The following ACACB variants were observed in gnomAD, a reference collection of about 807,000 sequenced individuals.
The protein encoded by ACACB is acetyl-CoA carboxylase beta, also known as acetyl-CoA carboxylase 2.
In ACACB, 209 loss-of-function variants were observed where a neutral mutation model predicts 278.8. The observed-to-expected ratio is 0.75, with a 90% CI of 0.67 to 0.84. The LOEUF (loss-of-function observed/expected upper bound fraction) is 0.84. ACACB is among the 40% of genes least tolerant of loss of function. The pLI is 0.00. For synonymous variants in ACACB, 1,174 were observed against 1,285.6 expected (o/e 0.91, Z 1.86); for missense variants, 2,850 against 3,269.0 (o/e 0.87, Z 3.13).
chr12:109,241,201 C>G lies in ACACB; in HGVS notation c.4942C>G (p.Arg1648Gly). The change falls in exon 36 of 53, where the codon CGC (arginine) becomes GGC (glycine). Residue 1648 changes from arginine to glycine, a missense_variant. Arg to Gly is a moderately radical substitution (Grantham distance 125). This residue lies in a region of ACACB where 2,265 missense variants were observed against 2,561.3 expected (regional missense o/e 0.88). Transcript: ENST00000338432. Reference sequence around the variant, plus strand: ...CACCACCGGCAGTGCCGTTCCCATCCGCCTGTTCATCACCAATGAGTCGGG... The same window carrying G: ...CACCACCGGCAGTGCCGTTCCCATCGGCCTGTTCATCACCAATGAGTCGGG... ...QTTTGSAVPIRLFITNESGYY... is the reference protein window; with the variant it reads ...QTTTGSAVPIGLFITNESGYY... 1 of 1,614,184 alleles carries G rather than the reference C, an allele frequency of 6.2e-7. No homozygotes were observed. Among genetic ancestry groups the G allele is most frequent in the South Asian group, 1.1e-5 (1 of 91,088 alleles).
chr12:109,237,093 CA>C, intron 33 of ACACB, 71 bp from the exon 34 acceptor site: 1 of 1,516,530 alleles, frequency 6.6e-7, no homozygotes, highest in Non-Finnish European at 9.1e-7. Flanking sequence ...GGGTGTGGAC[CA>C]AGCAGGGACG....
At position 109,264,271 on chromosome 12, in the gene ACACB, A is replaced by G; in HGVS notation, c.6827A>G (p.Glu2276Gly). The G allele has an allele frequency of 1.2e-6, 2 of 1,614,082 alleles. No homozygotes were observed. Among genetic ancestry groups the G allele is most frequent in the Non-Finnish European group, 1.7e-6 (2 of 1,180,004 alleles). The change falls in exon 50 of 53, where the codon GAG becomes GGG. Residue 2276 changes from glutamate (E) to glycine (G), a missense_variant. Around this residue, in one of 3 missense-constraint regions of ACACB, gnomAD observed 579 missense variants for 684.6 expected, o/e 0.85. Transcript: ENST00000338432. ...DLSDKDRKDL[E>G]GRLKAREDLL... is the part of the protein sequence containing the mutation. ...TCCGACAAGGACCGAAAGGACCTGG[A>G]GGGCCGGCTAAAGGCTCGCGAGGAC...
intron 49 of ACACB, 88 bp from the exon 50 acceptor site, chr12:109,264,144 G>A: frequency 7.0e-7 from 1 of 1,421,238 alleles, no homozygotes; most frequent in Non-Finnish European, 9.6e-7. Context: ...ATCCTGATTT[G>A]TGCCTTCTTC....
rs34174568 is a variant in ACACB at position 109,181,840 on chromosome 12, CTTTTTTTT to C, written c.1818+1768_1818+1775del. The stretch of plus-strand genomic sequence containing the variant: ...CTTTTTCTGTTTTCTTTTTCCTTTC[CTTTTTTTT>C]TTTTTTTTTTTTTTGAGAGTGAGTC... On this transcript the variant is annotated intron_variant, in intron 11 of 52. Coordinates refer to ENST00000338432, the MANE Select transcript of ACACB (RefSeq NM_001093.4). Among the ~76,000 whole-genome samples, 3 of 81,580 alleles carry C rather than the reference CTTTTTTTT, an allele frequency of 3.7e-5. No individual in the cohort carries two copies. The East Asian group carries it at 1.2e-3, about 32-fold the overall frequency. The allele number at this position is 81,580 out of a possible 152,430, so 53.5% of individuals were successfully genotyped here.
chr12:109,187,067 T>TGGAG (rs1454491074), intron 12 of ACACB, among the ~76,000 whole-genome samples: 1 of 107,756 alleles, frequency 9.3e-6, no homozygotes, highest in Non-Finnish European at 1.9e-5. Flanking sequence ...AAAAGGGGGA[T>TGGAG]GGAGGGAGGG....
chr12:109,133,861 ATATTT>A (rs1314246100), intron 1 of ACACB, among the ~76,000 whole-genome samples: 9 of 46,346 alleles, frequency 1.9e-4, no homozygotes, highest in African/African-American at 7.7e-4. Flanking sequence ...ATATATATAT[ATATTT>A]TTTTTTTTTT....
At chr12:109,140,197 C>T (rs1445072966) in intron 2 of ACACB, 139 bp downstream of exon 2, 1 of 711,202 alleles carries the variant, frequency 1.4e-6, no homozygotes, top group Non-Finnish European at 2.0e-6. Context: ...AAGGAGAAGA[C>T]ACGAGCCTTC....
chr12:109,151,643 C>T (rs1408385384), intron 2 of ACACB, among the ~76,000 whole-genome samples: 4 of 152,200 alleles, frequency 2.6e-5, no homozygotes, highest in Non-Finnish European at 5.9e-5. Context: ...TACCACGCTG[C>T]TGGCCACATG....
intron 15 of ACACB, among the ~76,000 whole-genome samples, chr12:109,193,105 G>T (rs1168383287): frequency 6.6e-6 from 1 of 152,124 alleles, no homozygotes. Context: ...CTCCTGAAAA[G>T]CCTTTGTAAG....
chr12:109,255,559 A>G (rs2047203883), intron 44 of ACACB, among the ~76,000 whole-genome samples: 1 of 152,224 alleles, frequency 6.6e-6, no homozygotes, highest in African/African-American at 2.4e-5. Context: ...CCCATGCCTG[A>G]GATGCCTCTT....
chr12:109,235,856 T>G, intron 33 of ACACB: 1 of 519,534 alleles, frequency 1.9e-6, no homozygotes, highest in Non-Finnish European at 3.4e-6. Flanking sequence ...AAAATCAGCC[T>G]GGCATTGTGA....
At chr12:109,200,816 TG>T (rs2045307802) in intron 18 of ACACB, among the ~76,000 whole-genome samples, 1 of 152,224 alleles carries the variant, frequency 6.6e-6, no homozygotes. Context: ...CATATTGACC[TG>T]CTGCATGGCA....
In ACACB at chr12:109,212,950, CT is replaced by C. The variant is rs1380643778; in HGVS notation, c.3350+15del. On this transcript the variant is annotated intron_variant, in intron 22 of 52. Transcript: ENST00000338432. The stretch of plus-strand genomic sequence containing the variant: ...GTTGGTCCAGAGGTGAATCCTGGGT[CT>C]CCCCGTAGGATGTGGTTGTCACCTG... 1.2e-6 allele frequency: 2 copies of C among 1,608,690 alleles called. No homozygotes were observed. Among genetic ancestry groups the C allele is most frequent in the Non-Finnish European group, 1.7e-6 (2 of 1,175,258 alleles).
At chr12:109,212,806 C>T (rs2092652729) in intron 21 of ACACB, 30 bp from the exon 22 acceptor site, 1 of 1,578,426 alleles carries the variant, frequency 6.3e-7, no homozygotes, top group South Asian at 1.1e-5. Context: ...GAATCATCAG[C>T]AGTCAGACCT....
At chr12:109,116,107 G>C (rs975462953), upstream of ACACB, among the ~76,000 whole-genome samples, 3 of 152,222 alleles carry the variant, frequency 2.0e-5, no homozygotes, top group African/African-American at 7.2e-5. Flanking sequence ...TGGCAATGGA[G>C]CTGTTTTTTT....
At chr12:109,210,481 A>ATG (rs370554500) in intron 21 of ACACB, among the ~76,000 whole-genome samples, 6 of 147,820 alleles carry the variant, frequency 4.1e-5, no homozygotes, top group African/African-American at 1.2e-4. Context: ...ACATGTGTAT[A>ATG]TGTGTATATA....
At chr12:109,159,790 C>T (rs1327517940) in intron 2 of ACACB, among the ~76,000 whole-genome samples, 3 of 151,730 alleles carry the variant, frequency 2.0e-5, no homozygotes, top group Non-Finnish European at 4.4e-5. Flanking sequence ...GCAAAATTTC[C>T]CCCAGTTAAG....
chr12:109,147,525 G>T (rs1216838444), intron 2 of ACACB, among the ~76,000 whole-genome samples: 2 of 151,218 alleles, frequency 1.3e-5, no homozygotes, highest in Non-Finnish European at 2.9e-5. Context: ...GATTACAGGT[G>T]TGAACCTCCA....
intron 37 of ACACB, among the ~76,000 whole-genome samples, chr12:109,244,699 C>T (rs2046892532): frequency 6.6e-6 from 1 of 152,108 alleles, no homozygotes; most frequent in Non-Finnish European, 1.5e-5. Context: ...CTCAGGTGAT[C>T]TGCCTGCCTC....
Sources: allele counts gnomAD v4.1 joint callset (sites outside exome capture counted in the v4.1 genomes callset), GRCh38; gene constraint gnomAD v4.1.1; regional missense constraint gnomAD v4.1.1; transcripts MANE v1.5; gene names NCBI Gene and HGNC (gene_info 2026-07-23, HGNC 2026-07-21).